The following SAMSN1 variants were observed in gnomAD, a reference collection of about 807,000 sequenced individuals.
SAMSN1 encodes SAM domain-containing protein SAMSN-1.
SAMSN1 carries 31 observed loss-of-function variants against 42.0 expected under a neutral mutation model. The ratio of observed to expected loss-of-function variants is 0.74; its 90% CI spans 0.55 to 1.00. SAMSN1 has a LOEUF of 1.00. SAMSN1 is among the 50% of genes least tolerant of loss of function. SAMSN1 has a pLI of 0.00. For synonymous variants in SAMSN1, 178 were observed against 151.9 expected (o/e 1.17, Z -1.26); for missense variants, 464 against 439.4 (o/e 1.06, Z -0.50).
At chr21:14,520,741 G>T (rs1978404791) in intron 2 of SAMSN1, among the ~76,000 whole-genome samples, 1 of 152,148 alleles carries the variant, frequency 6.6e-6, no homozygotes, top group African/African-American at 2.4e-5. Context: ...CTGGGGGAAG[G>T]GGACGGAGCT....
At chr21:14,494,342 A>G (rs1385620975) in intron 7 of SAMSN1, among the ~76,000 whole-genome samples, 4 of 152,234 alleles carry the variant, frequency 2.6e-5, no homozygotes, top group African/African-American at 9.6e-5. Flanking sequence ...TGGATAAAGA[A>G]AATCTGGCAC....
At chr21:14,643,444 A>T (rs1426469472) in intron 1 of SAMSN1, among the ~76,000 whole-genome samples, 1 of 152,230 alleles carries the variant, frequency 6.6e-6, no homozygotes, top group Non-Finnish European at 1.5e-5. Flanking sequence ...TTAAGCTCAA[A>T]AAACTAAATA....
At chr21:14,629,450 A>G (rs1008745088) in intron 2 of SAMSN1, among the ~76,000 whole-genome samples, 2 of 152,252 alleles carry the variant, frequency 1.3e-5, no homozygotes, top group South Asian at 4.1e-4. Flanking sequence ...CTCAGGGAAA[A>G]CAGATTTTAT....
At chr21:14,576,640 C>A (rs527441235) in intron 2 of SAMSN1, among the ~76,000 whole-genome samples, 52 of 145,082 alleles carry the variant, frequency 3.6e-4, no homozygotes, top group Non-Finnish European at 3.5e-4. Flanking sequence ...GAAACAGTTG[C>A]GTAAAGAATT....
chr21:14,575,011 C>T (rs536993490), intron 2 of SAMSN1, among the ~76,000 whole-genome samples: 4 of 152,094 alleles, frequency 2.6e-5, no homozygotes, highest in South Asian at 2.1e-4. Context: ...CTTATTCTTC[C>T]GTTTTACCGT....
chr21:14,577,284 A>ATATATTTTTTT (rs1460040142), intron 2 of SAMSN1, among the ~76,000 whole-genome samples: 1 of 53,854 alleles, frequency 1.9e-5, no homozygotes, highest in Non-Finnish European at 3.4e-5. Flanking sequence ...ATATATATAT[A>ATATATTTTTTT]TTTTTTTTTT....
At chr21:14,551,436 C>T (rs1207808341) in intron 2 of SAMSN1, among the ~76,000 whole-genome samples, 1 of 151,828 alleles carries the variant, frequency 6.6e-6, no homozygotes, top group East Asian at 1.9e-4. Flanking sequence ...AGACTGGGTA[C>T]CAAGAATGAG....
chr21:14,623,916 A>G (rs1983090199), intron 2 of SAMSN1, among the ~76,000 whole-genome samples: 1 of 152,230 alleles, frequency 6.6e-6, no homozygotes, highest in Non-Finnish European at 1.5e-5. Context: ...AAGAAATTAT[A>G]ACAAACTGTC....
At position 14,498,624 on chromosome 21, in the gene SAMSN1, C is replaced by A. The variant is rs746246409; in HGVS notation, c.769-32G>T. The A allele has an allele frequency of 8.6e-6, 13 of 1,506,956 alleles. No homozygotes were observed. The African/African-American group carries it at 1.7e-4, about 20-fold the overall frequency. The allele number at this position is 1,506,956 out of a possible 1,614,324, so 93.3% of individuals were successfully genotyped here. On this transcript the variant is annotated intron_variant, in intron 6 of 7. Coordinates refer to ENST00000400566, the MANE Select transcript of SAMSN1 (RefSeq NM_022136.5). ...GACAAAAAATATAAAGCAAATTAGT[C>A]AGATTCAAATATTTTATTTTTAGTT...
intron 1 of SAMSN1, among the ~76,000 whole-genome samples, chr21:14,652,946 A>T (rs1278176216): frequency 6.6e-6 from 1 of 152,138 alleles, no homozygotes; most frequent in Non-Finnish European, 1.5e-5. Context: ...GCTCAACGTC[A>T]TTTATCATCA....
intron 2 of SAMSN1, among the ~76,000 whole-genome samples, chr21:14,628,853 G>A (rs1373784877): frequency 6.6e-6 from 1 of 152,118 alleles, no homozygotes; most frequent in East Asian, 1.9e-4. Flanking sequence ...AATGCTTTTT[G>A]TGTAGTAATT....
At chr21:14,558,900 A>T in intron 2 of SAMSN1, among the ~76,000 whole-genome samples, 1 of 152,198 alleles carries the variant, frequency 6.6e-6, no homozygotes, top group East Asian at 1.9e-4. Flanking sequence ...TACGCATATG[A>T]AAAACTATTT....
At chr21:14,604,480 G>T (rs1025477568) in intron 5 of SAMSN1, among the ~76,000 whole-genome samples, 5 of 152,202 alleles carry the variant, frequency 3.3e-5, no homozygotes, top group African/African-American at 4.8e-5. Flanking sequence ...TTGGGACGCT[G>T]AGGCAGAGGA....
chr21:14,622,285 A>T (rs144097116), intron 2 of SAMSN1, among the ~76,000 whole-genome samples: 3,882 of 152,326 alleles, frequency 0.025, 159 homozygotes, highest in African/African-American at 0.087. Flanking sequence ...TGACTTTGAC[A>T]AGTTGAGAGA....
intron 1 of SAMSN1, among the ~76,000 whole-genome samples, chr21:14,525,455 AAG>A (rs1365761910): frequency 1.3e-5 from 2 of 152,302 alleles, no homozygotes; most frequent in African/African-American, 2.4e-5. Context: ...AATTTTAAGA[AAG>A]AGTTAAAGTA....
chr21:14,654,379 C>G (rs762250769), intron 1 of SAMSN1, among the ~76,000 whole-genome samples: 5 of 151,964 alleles, frequency 3.3e-5, no homozygotes, highest in African/African-American at 1.2e-4. Flanking sequence ...CTCTAAAATA[C>G]GTAAACATGT....
At chr21:14,581,344 CTTTTTTTTTTTTTTTTTTTTT>C (rs56728511) in intron 2 of SAMSN1, among the ~76,000 whole-genome samples, 1 of 32,588 alleles carries the variant, frequency 3.1e-5, no homozygotes, top group Admixed American at 6.1e-4. Flanking sequence ...AATAATATTT[CTTTTTTTTTTTTTTTTTTTTT>C]TTTTTTTTTT....
At chr21:14,517,267 T>G (rs1987960263) in intron 2 of SAMSN1, among the ~76,000 whole-genome samples, 1 of 152,232 alleles carries the variant, frequency 6.6e-6, no homozygotes, top group Admixed American at 6.5e-5. Context: ...GTTAAAGGAC[T>G]TGAGCCTCAC....
intron 1 of SAMSN1, among the ~76,000 whole-genome samples, chr21:14,649,896 A>G (rs1983802297): frequency 6.6e-6 from 1 of 152,154 alleles, no homozygotes; most frequent in Non-Finnish European, 1.5e-5. Flanking sequence ...CACTAAACTT[A>G]TATCAGATAA....
Sources: gnomAD v4.1 joint callset for allele counts (sites outside exome capture counted in the v4.1 genomes callset) on GRCh38, gnomAD v4.1.1 for gene constraint, MANE v1.5 for transcripts, NCBI Gene and HGNC (gene_info 2026-07-23, HGNC 2026-07-21) for gene names.